The following PLXDC2 variants were observed in gnomAD, a reference collection of about 807,000 sequenced individuals.
PLXDC2 encodes plexin domain containing 2.
PLXDC2 carries 40 observed loss-of-function variants against 68.9 expected under a neutral mutation model. The ratio of observed to expected loss-of-function variants is 0.58; its 90% confidence interval spans 0.45 to 0.76. The LOEUF is 0.76. PLXDC2 is among the 30% of genes least tolerant of loss of function. The pLI is 0.00. For synonymous variants in PLXDC2, 243 were observed against 234.2 expected (o/e 1.04, Z -0.34); for missense variants, 644 against 661.9 (o/e 0.97, Z 0.30).
intron 3 of PLXDC2, among the ~76,000 whole-genome samples, chr10:20,056,964 A>C (rs909678805): frequency 6.6e-6 from 1 of 152,170 alleles, no homozygotes; most frequent in African/African-American, 2.4e-5. Context: ...ATAATCATAA[A>C]GCCTGCTAAA....
At chr10:20,006,999 G>A (rs1012467478) in intron 2 of PLXDC2, among the ~76,000 whole-genome samples, 4 of 152,204 alleles carry the variant, frequency 2.6e-5, no homozygotes, top group African/African-American at 9.6e-5. Context: ...CTGCTGAAGT[G>A]TAGGTATTAA....
intron 1 of PLXDC2, among the ~76,000 whole-genome samples, chr10:19,994,997 G>T (rs1485190334): frequency 6.6e-6 from 1 of 150,888 alleles, no homozygotes; most frequent in Non-Finnish European, 1.5e-5. Context: ...ACCCACCTCG[G>T]CTCCCAAAGT....
intron 3 of PLXDC2, among the ~76,000 whole-genome samples, chr10:20,065,289 G>A (rs967297673): frequency 6.6e-6 from 1 of 152,154 alleles, no homozygotes; most frequent in Non-Finnish European, 1.5e-5. Flanking sequence ...GAGAGTATGA[G>A]GGCAAAAGTT....
intron 4 of PLXDC2, among the ~76,000 whole-genome samples, chr10:20,088,826 T>C (rs1048429877): frequency 1.3e-5 from 2 of 152,238 alleles, no homozygotes; most frequent in Non-Finnish European, 2.9e-5. Context: ...TAGCAAATGC[T>C]AAACACTCAA....
intron 1 of PLXDC2, among the ~76,000 whole-genome samples, chr10:19,886,584 C>A (rs1246333622): frequency 6.6e-6 from 1 of 152,148 alleles, no homozygotes; most frequent in East Asian, 1.9e-4. Context: ...AACCTTCATG[C>A]TAAAAACTCT....
chr10:20,247,259 G>T (rs1048283025), intron 13 of PLXDC2, among the ~76,000 whole-genome samples: 32 of 147,144 alleles, frequency 2.2e-4, no homozygotes, highest in Non-Finnish European at 7.4e-5. Flanking sequence ...CAGGAGTTTG[G>T]GACCAGCCTG....
chr10:20,056,888 G>A (rs960946472), intron 3 of PLXDC2, among the ~76,000 whole-genome samples: 8 of 152,048 alleles, frequency 5.3e-5, no homozygotes, highest in African/African-American at 1.9e-4. Context: ...CCTTTTAAAG[G>A]CACGAGTGAG....
intron 9 of PLXDC2, among the ~76,000 whole-genome samples, chr10:20,187,819 T>C (rs1834707003): frequency 6.6e-6 from 1 of 151,926 alleles, no homozygotes; most frequent in Non-Finnish European, 1.5e-5. Flanking sequence ...TACAGAAATA[T>C]TAAAAGAGCT....
At chr10:20,099,248 C>T (rs1173351914) in intron 4 of PLXDC2, among the ~76,000 whole-genome samples, 2 of 152,128 alleles carry the variant, frequency 1.3e-5, no homozygotes, top group African/African-American at 4.8e-5. Context: ...TTAATACCAA[C>T]AACCAGAAAT....
intron 4 of PLXDC2, among the ~76,000 whole-genome samples, chr10:20,130,851 C>T (rs75753448): frequency 6.6e-6 from 1 of 152,012 alleles, no homozygotes; most frequent in East Asian, 1.9e-4. Flanking sequence ...GGTAGTGATC[C>T]TTTTAATGTG....
chr10:20,147,693 C>A, intron 5 of PLXDC2, 91 bp from the exon 6 acceptor site: 1 of 721,740 alleles, frequency 1.4e-6, no homozygotes, highest in Non-Finnish European at 2.3e-6. Context: ...ATTTGAAGGC[C>A]AGATGCAAAA....
chr10:20,169,454 A>G (rs557298715), intron 7 of PLXDC2, among the ~76,000 whole-genome samples: 4 of 152,276 alleles, frequency 2.6e-5, no homozygotes, highest in Admixed American at 1.3e-4. Context: ...AAATAGCTCT[A>G]TTAAGTAATT....
intron 4 of PLXDC2, among the ~76,000 whole-genome samples, chr10:20,117,679 G>A (rs1237992532): frequency 6.6e-6 from 1 of 152,198 alleles, no homozygotes. Context: ...TTTCAAAAAA[G>A]TGAGTCATGG....
At chr10:20,194,088 A>G (rs1834804710) in intron 9 of PLXDC2, among the ~76,000 whole-genome samples, 1 of 152,042 alleles carries the variant, frequency 6.6e-6, no homozygotes, top group South Asian at 2.1e-4. Flanking sequence ...GAATTTTAAA[A>G]GAAAACAAAG....
chr10:20,161,910 A>G (rs1354547513), intron 6 of PLXDC2, among the ~76,000 whole-genome samples: 1 of 151,920 alleles, frequency 6.6e-6, no homozygotes, highest in Non-Finnish European at 1.5e-5. Context: ...ACTTGCCTTT[A>G]ATCCCAGCTA....
intron 1 of PLXDC2, among the ~76,000 whole-genome samples, chr10:19,876,317 T>A (rs975258873): frequency 6.6e-6 from 1 of 152,220 alleles, no homozygotes; most frequent in Non-Finnish European, 1.5e-5. Flanking sequence ...ACTGGATCTT[T>A]TTCTCAGCTT....
intron 4 of PLXDC2, among the ~76,000 whole-genome samples, chr10:20,137,885 T>TC: frequency 6.6e-6 from 1 of 152,154 alleles, no homozygotes; most frequent in Non-Finnish European, 1.5e-5. Flanking sequence ...GTCGACATGG[T>TC]CTCAGTATGA....
At chr10:20,014,411 CTTCCTTCCTTCCTTCCTTCT>C (rs1835172782) in intron 2 of PLXDC2, among the ~76,000 whole-genome samples, 36 of 124,842 alleles carry the variant, frequency 2.9e-4, no homozygotes, top group African/African-American at 1.1e-3. Flanking sequence ...TCCTTCCTTC[CTTCCTTCCTTCCTTCCTTCT>C]TTCCTTCCTT....
chr10:20,059,536 T>A (rs559379065), intron 3 of PLXDC2, among the ~76,000 whole-genome samples: 6 of 152,350 alleles, frequency 3.9e-5, no homozygotes, highest in Admixed American at 3.3e-4. Flanking sequence ...ATTAATTAAG[T>A]TCTAAGTTCT....
Sources: allele counts gnomAD v4.1 joint callset (sites outside exome capture counted in the v4.1 genomes callset), GRCh38; gene constraint gnomAD v4.1.1; transcripts MANE v1.5; gene names NCBI Gene and HGNC (gene_info 2026-07-23, HGNC 2026-07-21).